The following PTPRD variants were observed in gnomAD, a reference collection of about 807,000 sequenced individuals.
PTPRD encodes protein tyrosine phosphatase receptor type D.
PTPRD carries 34 observed loss-of-function variants against 214.5 expected under a neutral mutation model. That is an observed-to-expected ratio of 0.16 (90% CI 0.12 to 0.21). The LOEUF is 0.21. Ranked by LOEUF, PTPRD falls within the 10% of genes least tolerant of loss-of-function variation. The pLI, the probability that PTPRD is intolerant of heterozygous loss-of-function variation, is 1.00. For missense variants in PTPRD, 2,545 were observed against 2,398.7 expected, an observed-to-expected ratio of 1.06 and a Z score of -1.27; for synonymous variants, 1,128 against 845.7, an observed-to-expected ratio of 1.33 and a Z score of -5.79.
At position 8,508,891 on chromosome 9, in the gene PTPRD, C is replaced by CTGTG. The variant is rs59265464; in HGVS notation, c.1544-1461_1544-1458dup. Among the ~76,000 whole-genome samples, 557 of 140,598 alleles carry CTGTG rather than the reference C, an allele frequency of 4.0e-3. 3 individuals are homozygous for CTGTG. Among genetic ancestry groups the CTGTG allele is most frequent in the African/African-American group, 8.2e-3 (321 of 38,960 alleles). The allele number at this position is 140,598 out of a possible 152,430, so 92.2% of individuals were successfully genotyped here. A position where few individuals can be genotyped will look rare whatever the true frequency, so the allele number is the denominator to read the frequency against. On this transcript the variant is annotated intron_variant, in intron 21 of 45. Transcript: ENST00000381196. Reference sequence around the variant, plus strand: ...TGTATATATATGTGTGTGTGTGTGTCTGTGTGTGTGTGTGTGTGTGTGTGT... The same window carrying CTGTG: ...TGTATATATATGTGTGTGTGTGTGTCTGTGTGTGTGTGTGTGTGTGTGTGTGTGT...
intron 34 of PTPRD, among the ~76,000 whole-genome samples, chr9:8,447,061 T>G (rs966955269): frequency 6.6e-6 from 1 of 152,222 alleles, no homozygotes; most frequent in African/African-American, 2.4e-5. Flanking sequence ...ACATAGAGCT[T>G]GGATGGCAAA....
chr9:10,393,771 A>G (rs114854298), intron 2 of PTPRD, among the ~76,000 whole-genome samples: 7,101 of 147,988 alleles, frequency 0.048, 255 homozygotes, highest in South Asian at 0.15. Flanking sequence ...TTATCTAATC[A>G]AGTGATCCCA....
intron 3 of PTPRD, among the ~76,000 whole-genome samples, chr9:10,280,371 C>T (rs1564989363): frequency 7.8e-6 from 1 of 127,778 alleles, no homozygotes; most frequent in South Asian, 2.5e-4. Context: ...CACACACACA[C>T]ACACACACAC....
At chr9:9,046,688 C>A (rs932090220) in intron 10 of PTPRD, among the ~76,000 whole-genome samples, 10 of 152,080 alleles carry the variant, frequency 6.6e-5, no homozygotes, top group African/African-American at 2.4e-4. Context: ...GACATGAAAT[C>A]TCTTCTGTAA....
chr9:10,304,097 G>C (rs909514276), intron 3 of PTPRD, among the ~76,000 whole-genome samples: 6 of 152,152 alleles, frequency 3.9e-5, no homozygotes, highest in African/African-American at 1.4e-4. Context: ...TGGGATGCAA[G>C]GCTGGTTCAA....
chr9:9,430,078 AG>A (rs1186464948), intron 8 of PTPRD, among the ~76,000 whole-genome samples: 2 of 152,210 alleles, frequency 1.3e-5, no homozygotes, highest in African/African-American at 4.8e-5. Context: ...AAAGAGATAA[AG>A]GGTATTCACT....
intron 3 of PTPRD, among the ~76,000 whole-genome samples, chr9:10,198,595 G>A (rs1195785644): frequency 6.6e-6 from 1 of 152,062 alleles, no homozygotes; most frequent in Non-Finnish European, 1.5e-5. Flanking sequence ...TTAGAGGCAA[G>A]GACAAAGGTA....
chr9:10,163,050 C>A (rs2099138697), intron 3 of PTPRD, among the ~76,000 whole-genome samples: 1 of 150,544 alleles, frequency 6.6e-6, no homozygotes, highest in Non-Finnish European at 1.5e-5. Flanking sequence ...GAAAAACACA[C>A]AAAGAGGGGG....
chr9:10,329,200 T>C (rs2096704486), intron 3 of PTPRD, among the ~76,000 whole-genome samples: 1 of 150,538 alleles, frequency 6.6e-6, no homozygotes, highest in Admixed American at 6.6e-5. Flanking sequence ...TCTTAACTTA[T>C]CATTGTGCAA....
intron 3 of PTPRD, among the ~76,000 whole-genome samples, chr9:10,302,364 G>T (rs757924352): frequency 6.6e-6 from 1 of 151,962 alleles, no homozygotes; most frequent in Non-Finnish European, 1.5e-5. Flanking sequence ...TCAACTAATG[G>T]GCAAAATAAC....
chr9:9,738,745 T>A (rs1344568841), intron 6 of PTPRD, among the ~76,000 whole-genome samples: 1 of 152,060 alleles, frequency 6.6e-6, no homozygotes, highest in Non-Finnish European at 1.5e-5. Context: ...CCTGACCTCT[T>A]TGCTCACTTT....
At chr9:9,779,385 G>C (rs987319024) in intron 5 of PTPRD, among the ~76,000 whole-genome samples, 3 of 152,202 alleles carry the variant, frequency 2.0e-5, no homozygotes, top group Middle Eastern at 3.4e-3. Flanking sequence ...CTTCTGCACA[G>C]CGAAAGAAAC....
In PTPRD at chr9:9,139,858, G is replaced by C. The variant is rs117008367; in HGVS notation, c.-143+43446C>G. Among the ~76,000 whole-genome samples the C allele has an allele frequency of 2.0e-4, 30 of 152,182 alleles. No individual in the cohort carries two copies. The East Asian group carries it at 4.4e-3, about 23-fold the overall frequency. On this transcript the variant is annotated intron_variant, in intron 10 of 45. Transcript: ENST00000381196. ...TTGTGATTGAACTATTCTACCCTTA[G>C]GGAGATGCATATTTAATATTTCAGA... is the stretch of plus-strand genomic sequence containing the variant.
intron 7 of PTPRD, among the ~76,000 whole-genome samples, chr9:9,611,316 C>T (rs1244934138): frequency 6.6e-6 from 1 of 152,042 alleles, no homozygotes; most frequent in East Asian, 1.9e-4. Context: ...TTGCTATATG[C>T]CATACACATA....
At chr9:8,897,944 C>T (rs757004896) in intron 11 of PTPRD, among the ~76,000 whole-genome samples, 1 of 152,136 alleles carries the variant, frequency 6.6e-6, no homozygotes, top group Non-Finnish European at 1.5e-5. Context: ...GGCAAAAGTA[C>T]TTTGTAAACT....
At chr9:8,793,533 G>C (rs970269701) in intron 11 of PTPRD, among the ~76,000 whole-genome samples, 1 of 152,170 alleles carries the variant, frequency 6.6e-6, no homozygotes, top group Admixed American at 6.6e-5. Flanking sequence ...ACTGTTGTAA[G>C]CTGTCAGGTT....
chr9:8,748,838 G>A (rs555606484), intron 11 of PTPRD, among the ~76,000 whole-genome samples: 37 of 152,068 alleles, frequency 2.4e-4, no homozygotes, highest in Non-Finnish European at 5.0e-4. Flanking sequence ...TTGAACCCAG[G>A]AGCGGGGGTT....
chr9:9,991,453 C>T (rs1354953971), intron 4 of PTPRD, among the ~76,000 whole-genome samples: 1 of 151,912 alleles, frequency 6.6e-6, no homozygotes, highest in South Asian at 2.1e-4. Flanking sequence ...CCACCGCCTC[C>T]CAGGTTCAAG....
intron 30 of PTPRD, among the ~76,000 whole-genome samples, chr9:8,481,182 G>A (rs922263030): frequency 2.1e-5 from 3 of 144,852 alleles, no homozygotes; most frequent in Admixed American, 6.9e-5. Flanking sequence ...GTAGACAAAT[G>A]TGAAGACTTT....
Sources: gnomAD v4.1 joint callset for allele counts (sites outside exome capture counted in the v4.1 genomes callset) on GRCh38, gnomAD v4.1.1 for gene constraint, MANE v1.5 for transcripts, NCBI Gene and HGNC (gene_info 2026-07-23, HGNC 2026-07-21) for gene names.